BTBD7: variants seen among roughly 807,000 people sequenced by gnomAD.
BTBD7 encodes the protein BTB domain containing 7, also known as BTB/POZ domain-containing protein 7.
Under a neutral mutation model 99.9 loss-of-function variants are expected in BTBD7, and 38 were observed. The ratio of observed to expected loss-of-function variants is 0.38; its 90% CI spans 0.29 to 0.50. The LOEUF (loss-of-function observed/expected upper bound fraction) is 0.50, where lower values mean the gene tolerates loss of function less well. Among genes scored for constraint, BTBD7 ranks in the 20% least tolerant of loss-of-function variants. The probability of loss-of-function intolerance (pLI) is 0.93; values close to 1 mark genes in which losing one functional copy is unlikely to be tolerated. For missense variants in BTBD7, 1,170 were observed against 1,394.6 expected (o/e 0.84, Z 2.57); for synonymous variants, 520 against 511.4 (o/e 1.02, Z -0.23).
At position 93,293,846 on chromosome 14, in the gene BTBD7, A is replaced by G. The variant is rs1436326759; in HGVS notation, c.1162+12T>C. On this transcript the variant is annotated intron_variant, in intron 3 of 10. Coordinates refer to ENST00000334746, the MANE Select transcript of BTBD7 (RefSeq NM_001002860.4). ...ATTCTATAAATCAGAATTAAAAACC[A>G]GAACTTCATACCTTGTGCAAGCATG... 1 of 1,583,068 alleles carries G rather than the reference A, an allele frequency of 6.3e-7. No individual in the cohort carries two copies. Among genetic ancestry groups the G allele is most frequent in the East Asian group, 2.2e-5 (1 of 44,676 alleles).
chr14:93,248,239 C>T (rs1455717226), intron 9 of BTBD7, among the ~76,000 whole-genome samples: 3 of 152,172 alleles, frequency 2.0e-5, no homozygotes, highest in African/African-American at 7.2e-5. Context: ...AGTTAACCAA[C>T]TAGTAAGCAG....
intron 3 of BTBD7, among the ~76,000 whole-genome samples, chr14:93,290,754 G>A (rs1348342521): frequency 2.0e-5 from 3 of 151,602 alleles, no homozygotes; most frequent in Non-Finnish European, 4.4e-5. Context: ...GCAGTGGTGC[G>A]ATCTCAGCTC....
Position 93,332,908 on chromosome 14 carries a change from G to A in BTBD7, c.-195C>T, listed in dbSNP as rs1001259642. ...CGCCACCAGCACCGCCGTCCGCACC[G>A]GCGCCAGCACCCCCGGCCATCCTCC... On this transcript the variant is annotated 5_prime_UTR_variant, in exon 1 of 11. Transcript: ENST00000334746. 81 of 1,326,046 alleles carry A rather than the reference G, an allele frequency of 6.1e-5. 1 individual carries two copies. In the African/African-American group the frequency reaches 1.2e-3, roughly 20 times the overall value. The allele number at this position is 1,326,046 out of a possible 1,614,324, so 82.1% of individuals were successfully genotyped here.
At position 93,240,953 on chromosome 14, in the gene BTBD7, C is replaced by T. The variant is rs576163016; in HGVS notation, c.*1320G>A. 6.6e-6 allele frequency: 1 copy of T among 152,534 alleles called. No individual in the cohort carries two copies. Among genetic ancestry groups the T allele is most frequent in the African/African-American group, 2.4e-5 (1 of 41,438 alleles). 9.4% of individuals were successfully genotyped at this position (152,534 alleles called of 1,614,324 possible). A position where few individuals can be genotyped will look rare whatever the true frequency, so the allele number is the denominator to read the frequency against. ...CAAAATTTAGACATATTTTGAAAAT[C>T]GTTTAAAAGAAAACGTATCTTTACA... On this transcript the variant is annotated 3_prime_UTR_variant, in exon 11 of 11. Coordinates refer to ENST00000334746, the MANE Select transcript of BTBD7 (RefSeq NM_001002860.4).
chr14:93,322,851 TG>T (rs1476269610), intron 1 of BTBD7, among the ~76,000 whole-genome samples: 1 of 152,234 alleles, frequency 6.6e-6, no homozygotes, highest in Non-Finnish European at 1.5e-5. Context: ...ATGTGGCTCA[TG>T]CCTATAATTC....
At chr14:93,258,656 C>T (rs906113572) in intron 5 of BTBD7, among the ~76,000 whole-genome samples, 8 of 152,152 alleles carry the variant, frequency 5.3e-5, no homozygotes, top group African/African-American at 1.9e-4. Context: ...ATGATCTTGG[C>T]TCACTGCAAC....
At chr14:93,258,052 T>A (rs1397825196) in intron 5 of BTBD7, among the ~76,000 whole-genome samples, 1 of 152,170 alleles carries the variant, frequency 6.6e-6, no homozygotes, top group African/African-American at 2.4e-5. Flanking sequence ...AGAAAAATTA[T>A]GTAATTTGGA....
intron 1 of BTBD7, among the ~76,000 whole-genome samples, chr14:93,297,665 G>A (rs2052945549): frequency 6.6e-6 from 1 of 152,164 alleles, no homozygotes; most frequent in African/African-American, 2.4e-5. Flanking sequence ...TTAAAGCTGA[G>A]CTCCACAGAA....
chr14:93,307,145 T>C (rs575566720), intron 1 of BTBD7, among the ~76,000 whole-genome samples: 6 of 152,300 alleles, frequency 3.9e-5, no homozygotes, highest in Admixed American at 1.3e-4. Context: ...ATTTTCTATT[T>C]TTAGTTTTCC....
intron 3 of BTBD7, among the ~76,000 whole-genome samples, chr14:93,280,458 T>G (rs1228303755): frequency 6.6e-6 from 1 of 152,222 alleles, no homozygotes; most frequent in Non-Finnish European, 1.5e-5. Context: ...CAAAGACATT[T>G]AAGTGTGCAA....
chr14:93,323,026 G>C (rs1226192965), intron 1 of BTBD7, among the ~76,000 whole-genome samples: 1 of 152,160 alleles, frequency 6.6e-6, no homozygotes, highest in Non-Finnish European at 1.5e-5. Flanking sequence ...AGGTGGCTGA[G>C]GCAGGACAAT....
intron 6 of BTBD7, 21 bp from the exon 7 acceptor site, chr14:93,253,811 T>A (rs761315427): frequency 7.3e-6 from 11 of 1,501,312 alleles, no homozygotes; most frequent in African/African-American, 6.9e-5. Context: ...ATTTTTTTTT[T>A]AGATAGAAAT....
At chr14:93,264,697 T>C (rs754736125) in intron 3 of BTBD7, among the ~76,000 whole-genome samples, 1 of 152,198 alleles carries the variant, frequency 6.6e-6, no homozygotes, top group African/African-American at 2.4e-5. Flanking sequence ...ACAAAGATTA[T>C]GGGAGTGAGA....
chr14:93,289,968 T>G (rs1230430849), intron 3 of BTBD7, among the ~76,000 whole-genome samples: 2 of 151,668 alleles, frequency 1.3e-5, no homozygotes, highest in African/African-American at 4.8e-5. Context: ...GCAATTATTG[T>G]GCCTCAGCCT....
chr14:93,292,031 A>T (rs1259375522), intron 3 of BTBD7, among the ~76,000 whole-genome samples: 3 of 152,158 alleles, frequency 2.0e-5, no homozygotes, highest in Non-Finnish European at 4.4e-5. Context: ...TACTAAAAAT[A>T]CAGAAATTAG....
rs369098671 is a variant in BTBD7, at chr14:93,316,913, G to A, written c.-107+15907C>T. Among the ~76,000 whole-genome samples the A allele has an allele frequency of 2.6e-5, 4 of 152,284 alleles. No homozygotes were observed. The East Asian group carries it at 7.7e-4, about 29-fold the overall frequency. On this transcript the variant is annotated intron_variant, in intron 1 of 10. Transcript: ENST00000334746. ...GCAAAGTGGGTCAGGGAAAAAAAACGTGAGATGAGGCAGGACATGTAGGCA... is the reference window on the plus strand; with the variant it reads ...GCAAAGTGGGTCAGGGAAAAAAAACATGAGATGAGGCAGGACATGTAGGCA...
chr14:93,296,397 A>G (rs2052927401), intron 1 of BTBD7, among the ~76,000 whole-genome samples: 1 of 152,212 alleles, frequency 6.6e-6, no homozygotes, highest in South Asian at 2.1e-4. Flanking sequence ...AACATATCAA[A>G]CCAATTTAAA....
intron 3 of BTBD7, among the ~76,000 whole-genome samples, chr14:93,284,037 T>G (rs1191170640): frequency 2.0e-5 from 3 of 150,798 alleles, no homozygotes; most frequent in Non-Finnish European, 4.4e-5. Flanking sequence ...CTGAGTTATA[T>G]AATTTACCAT....
chr14:93,291,902 A>C (rs1177307768), intron 3 of BTBD7, among the ~76,000 whole-genome samples: 1 of 152,136 alleles, frequency 6.6e-6, no homozygotes, highest in Non-Finnish European at 1.5e-5. Context: ...ACTTAAAAAA[A>C]CCTGCAAGGT....
Sources: allele counts gnomAD v4.1 joint callset (sites outside exome capture counted in the v4.1 genomes callset), GRCh38; gene constraint gnomAD v4.1.1; transcripts MANE v1.5; gene names NCBI Gene and HGNC (gene_info 2026-07-23, HGNC 2026-07-21).